NBAS: variants seen among roughly 807,000 people sequenced by gnomAD.
NBAS encodes NAG/BC035112 fusion.
A neutral mutation model predicts 302.5 loss-of-function variants in NBAS; 219 were observed. The observed-to-expected ratio is 0.72, with a 90% CI of 0.65 to 0.81. The LOEUF (loss-of-function observed/expected upper bound fraction) is 0.81. NBAS is among the 30% of genes least tolerant of loss of function. NBAS has a pLI of 0.00. For synonymous variants in NBAS, 1,118 were observed against 1,021.6 expected, an observed-to-expected ratio of 1.09 and a Z score of -1.80; for missense variants, 2,932 against 2,841.6, an observed-to-expected ratio of 1.03 and a Z score of -0.72.
chr2:14,904,891 T>A, the NBAS span, among the ~76,000 whole-genome samples: 2 of 129,938 alleles, frequency 1.5e-5, no homozygotes, highest in Non-Finnish European at 3.2e-5. Context: ...CTACTAAAAA[T>A]ACAAAAAATT....
At chr2:15,027,171 A>G in the NBAS span, among the ~76,000 whole-genome samples, 1 of 152,100 alleles carries the variant, frequency 6.6e-6, no homozygotes, top group Non-Finnish European at 1.5e-5. Context: ...ATTCACATTT[A>G]ATATTAATTT....
At chr2:14,839,094 C>A in the NBAS span, among the ~76,000 whole-genome samples, 1 of 152,028 alleles carries the variant, frequency 6.6e-6, no homozygotes, top group African/African-American at 2.4e-5. Flanking sequence ...CTCCCCACCA[C>A]ACAAAACCAA....
chr2:15,306,539 C>T, intron 40 of NBAS, among the ~76,000 whole-genome samples: 1 of 152,120 alleles, frequency 6.6e-6, no homozygotes, highest in African/African-American at 2.4e-5. Flanking sequence ...TTCACATCAT[C>T]CTAGTTCTTA....
chr2:15,405,160 A>G (rs1012852938), intron 25 of NBAS, among the ~76,000 whole-genome samples: 2 of 152,134 alleles, frequency 1.3e-5, no homozygotes, highest in Non-Finnish European at 2.9e-5. Context: ...TTTGACTTTG[A>G]CTTAAATTCA....
chr2:14,929,374 A>G, the NBAS span, among the ~76,000 whole-genome samples: 21 of 151,610 alleles, frequency 1.4e-4, no homozygotes, highest in South Asian at 4.2e-3. Flanking sequence ...ACAGTATATT[A>G]TGTTTTGTTT....
At chr2:14,947,101 T>A in the NBAS span, among the ~76,000 whole-genome samples, 1 of 152,006 alleles carries the variant, frequency 6.6e-6, no homozygotes, top group Non-Finnish European at 1.5e-5. Flanking sequence ...ACAGTACACC[T>A]CAAGGTACCA....
the NBAS span, among the ~76,000 whole-genome samples, chr2:14,988,237 T>G: frequency 2.0e-5 from 3 of 152,180 alleles, no homozygotes; most frequent in Non-Finnish European, 4.4e-5. Flanking sequence ...CAAATTTTGG[T>G]GGTATCACTG....
At chr2:15,134,462 TTCTCTCTCTGTC>T in the NBAS span, among the ~76,000 whole-genome samples, 1 of 151,872 alleles carries the variant, frequency 6.6e-6, no homozygotes, top group Non-Finnish European at 1.5e-5. Flanking sequence ...CTCTCTCTCT[TTCTCTCTCTGTC>T]TCTCTCTCAC....
chr2:15,468,665 C>G lies in NBAS; in HGVS notation c.1726-132G>C, dbSNP rs76596018. Reference sequence around the variant, plus strand: ...TTAGGACCTTGGCCATAGGGAGCTGCTAGAGGAACTCAAGAGAAAAGCAGC... The same window carrying G: ...TTAGGACCTTGGCCATAGGGAGCTGGTAGAGGAACTCAAGAGAAAAGCAGC... On this transcript the variant is annotated intron_variant, in intron 16 of 51. Coordinates refer to ENST00000281513, the MANE Select transcript of NBAS (RefSeq NM_015909.4). 5.5e-3 allele frequency: 5,624 copies of G among 1,020,990 alleles called. 107 individuals carry two copies. The highest frequency in any genetic ancestry group is 0.049 in the East Asian group (1,902 of 39,042). The allele number at this position is 1,020,990 out of a possible 1,614,324, so 63.2% of individuals were successfully genotyped here.
chr2:15,285,745 T>C (rs1322354422), intron 42 of NBAS, among the ~76,000 whole-genome samples: 1 of 152,138 alleles, frequency 6.6e-6, no homozygotes, highest in Non-Finnish European at 1.5e-5. Flanking sequence ...CTCCACCTCC[T>C]GGGTTCAAGC....
the NBAS span, among the ~76,000 whole-genome samples, chr2:14,872,823 G>A: frequency 6.6e-6 from 1 of 152,084 alleles, no homozygotes; most frequent in Admixed American, 6.5e-5. Context: ...GAGTGAAGCT[G>A]CAGACCTTCG....
the NBAS span, among the ~76,000 whole-genome samples, chr2:14,995,672 C>G: frequency 6.6e-6 from 1 of 152,348 alleles, no homozygotes; most frequent in East Asian, 1.9e-4. Context: ...GACACATCAA[C>G]ATCTGCTGTT....
chr2:15,307,027 C>T (rs1671062697), intron 40 of NBAS, among the ~76,000 whole-genome samples: 1 of 152,132 alleles, frequency 6.6e-6, no homozygotes, highest in Non-Finnish European at 1.5e-5. Flanking sequence ...ATCCTGGGGC[C>T]CTCAGCCTCC....
chr2:15,255,172 C>T (rs1329092257), intron 44 of NBAS, among the ~76,000 whole-genome samples: 1 of 152,224 alleles, frequency 6.6e-6, no homozygotes, highest in Non-Finnish European at 1.5e-5. Flanking sequence ...TACTAGTTTA[C>T]ATTCCCACCA....
the NBAS span, among the ~76,000 whole-genome samples, chr2:14,839,965 G>A: frequency 6.6e-6 from 1 of 151,968 alleles, no homozygotes; most frequent in African/African-American, 2.4e-5. Context: ...AAATGAGACA[G>A]TGAATGTAAG....
At chr2:15,169,684 C>T (rs1664206028) in intron 51 of NBAS, among the ~76,000 whole-genome samples, 1 of 152,206 alleles carries the variant, frequency 6.6e-6, no homozygotes, top group South Asian at 2.1e-4. Flanking sequence ...AACACAAGTT[C>T]CTATGGAGCA....
intron 28 of NBAS, among the ~76,000 whole-genome samples, chr2:15,387,255 G>A (rs923907461): frequency 6.6e-6 from 1 of 151,978 alleles, no homozygotes; most frequent in African/African-American, 2.4e-5. Context: ...TTTTAGTAGA[G>A]ACAAGGTTTC....
chr2:15,454,012 C>T (rs1159178907), intron 21 of NBAS, among the ~76,000 whole-genome samples: 1 of 152,072 alleles, frequency 6.6e-6, no homozygotes, highest in Non-Finnish European at 1.5e-5. Context: ...CTCTTGACCT[C>T]ATGATGCGCC....
At chr2:14,996,353 A>T in the NBAS span, among the ~76,000 whole-genome samples, 2 of 152,198 alleles carry the variant, frequency 1.3e-5, no homozygotes, top group African/African-American at 4.8e-5. Context: ...AATTGAAGAA[A>T]TGGAAGCCTA....
Sources: allele counts gnomAD v4.1 joint callset (sites outside exome capture counted in the v4.1 genomes callset), GRCh38; gene constraint gnomAD v4.1.1; transcripts MANE v1.5; gene names NCBI Gene and HGNC (gene_info 2026-07-23, HGNC 2026-07-21).